The following CENPU variants were observed in gnomAD, a reference collection of about 807,000 sequenced individuals.
The protein encoded by CENPU is centromere protein U, also known as KSHV latent nuclear antigen interacting protein 1.
Under a neutral mutation model 56.7 loss-of-function variants are expected in CENPU, and 46 were observed. The observed-to-expected ratio is 0.81, with a 90% confidence interval of 0.64 to 1.04. The LOEUF is 1.04. CENPU is among the 50% of genes least tolerant of loss of function. The probability of loss-of-function intolerance (pLI) is 0.00; values close to 1 mark genes in which losing one functional copy is unlikely to be tolerated. For synonymous variants in CENPU, 166 were observed against 163.0 expected, an observed-to-expected ratio of 1.02 and a Z score of -0.14; for missense variants, 510 against 490.1, an observed-to-expected ratio of 1.04 and a Z score of -0.38.
intron 5 of CENPU, among the ~76,000 whole-genome samples, 170 bp downstream of exon 5, chr4:184,716,966 A>T (rs977577499): frequency 3.3e-5 from 5 of 152,236 alleles, no homozygotes; most frequent in Non-Finnish European, 1.5e-5. Context: ...TTTTTACTAT[A>T]AAAGTATATC....
At chr4:184,730,507 T>TAAAAAAAAAAAAAAAAAAAAAAAAA (rs374854623) in intron 2 of CENPU, among the ~76,000 whole-genome samples, 1 of 110,220 alleles carries the variant, frequency 9.1e-6, no homozygotes, top group African/African-American at 3.9e-5. Context: ...TCAAGAACGT[T>TAAAAAAAAAAAAAAAAAAAAAAAAA]AAAGAAATGC....
chr4:184,733,639 C>T (rs1761736080), intron 1 of CENPU, among the ~76,000 whole-genome samples: 1 of 152,236 alleles, frequency 6.6e-6, no homozygotes, highest in Admixed American at 6.5e-5. Context: ...AAAACTGATT[C>T]CCAGTCAGAG....
Position 184,694,378 on chromosome 4 carries a change from A to T in CENPU, c.*910T>A, listed in dbSNP as rs6825561. 215,629 of 1,412,736 alleles carry T rather than the reference A, an allele frequency of 0.15. 17,646 individuals are homozygous for T. Among genetic ancestry groups the T allele is most frequent in the African/African-American group, 0.27 (18,887 of 69,406 alleles). The allele number at this position is 1,412,736 out of a possible 1,614,324, so 87.5% of individuals were successfully genotyped here. On this transcript the variant is annotated 3_prime_UTR_variant, in exon 13 of 13. Coordinates refer to ENST00000281453, the MANE Select transcript of CENPU (RefSeq NM_024629.4). ...AGTGCACTCATTCCCACGGTGAGAT[A>T]TCGGAGACAGCATTCCTCCTGCATA...
intron 3 of CENPU, among the ~76,000 whole-genome samples, chr4:184,725,450 C>T (rs1031034415): frequency 6.8e-4 from 104 of 152,214 alleles, no homozygotes; most frequent in African/African-American, 2.5e-3. Flanking sequence ...GGACTACAGG[C>T]ACATGCCACC....
intron 8 of CENPU, among the ~76,000 whole-genome samples, chr4:184,705,296 G>A (rs1760687432): frequency 6.6e-6 from 1 of 152,176 alleles, no homozygotes; most frequent in Admixed American, 6.5e-5. Flanking sequence ...GCATTATGCT[G>A]AGTGGAAAAA....
chr4:184,728,010 T>C (rs1761517169), intron 3 of CENPU, among the ~76,000 whole-genome samples: 2 of 152,182 alleles, frequency 1.3e-5, no homozygotes, highest in Non-Finnish European at 2.9e-5. Flanking sequence ...TGACCACTCA[T>C]GGGTACAGGG....
At chr4:184,708,920 G>A (rs759197086) in intron 8 of CENPU, among the ~76,000 whole-genome samples, 3 of 151,980 alleles carry the variant, frequency 2.0e-5, no homozygotes, top group Non-Finnish European at 4.4e-5. Context: ...CAACAGAAGG[G>A]GAAATTCTAT....
intron 11 of CENPU, among the ~76,000 whole-genome samples, chr4:184,699,224 G>A (rs1209274107): frequency 6.6e-6 from 1 of 152,058 alleles, no homozygotes; most frequent in Non-Finnish European, 1.5e-5. Flanking sequence ...CAACTATTCG[G>A]GAGGATGAGG....
intron 4 of CENPU, among the ~76,000 whole-genome samples, chr4:184,724,033 G>T (rs1377598292): frequency 3.3e-5 from 5 of 151,976 alleles, no homozygotes; most frequent in Non-Finnish European, 5.9e-5. Context: ...GGGAGGCCGA[G>T]GTGGGCAGAT....
intron 1 of CENPU, among the ~76,000 whole-genome samples, chr4:184,732,225 ACAT>A (rs972332926): frequency 2.5e-4 from 37 of 150,660 alleles, no homozygotes; most frequent in Non-Finnish European, 1.8e-4. Context: ...GTGATGTAAA[ACAT>A]CATTACTGTG....
intron 12 of CENPU, among the ~76,000 whole-genome samples, chr4:184,696,390 C>T (rs891969235): frequency 2.0e-5 from 3 of 152,152 alleles, no homozygotes; most frequent in African/African-American, 7.2e-5. Context: ...ACAGGACGCT[C>T]ATCAGGTGGT....
At chr4:184,704,041 G>C (rs762987225) in intron 8 of CENPU, among the ~76,000 whole-genome samples, 4 of 151,906 alleles carry the variant, frequency 2.6e-5, no homozygotes, top group Non-Finnish European at 4.4e-5. Context: ...CATAATACTA[G>C]GTAATAAATT....
chr4:184,732,810 T>C (rs980420154), intron 1 of CENPU, among the ~76,000 whole-genome samples: 1 of 152,124 alleles, frequency 6.6e-6, no homozygotes, highest in Non-Finnish European at 1.5e-5. Flanking sequence ...AAGACCATCC[T>C]GGCCAACATG....
intron 3 of CENPU, among the ~76,000 whole-genome samples, chr4:184,726,973 G>GT (rs1265906756): frequency 2.4e-5 from 2 of 82,806 alleles, no homozygotes; most frequent in South Asian, 5.8e-4. Context: ...GTCCTGGGGG[G>GT]TGGGGGGGGG....
intron 11 of CENPU, chr4:184,699,597 C>G (rs6552802): frequency 0.15 from 199,036 of 1,286,014 alleles, 16,340 homozygotes; most frequent in African/African-American, 0.27. Context: ...AGCACCTGTC[C>G]AGAGACTCAA....
chr4:184,703,121 CAT>C (rs1251469893), intron 8 of CENPU, among the ~76,000 whole-genome samples: 2 of 152,152 alleles, frequency 1.3e-5, no homozygotes, highest in Non-Finnish European at 2.9e-5. Context: ...AAAGAACAAA[CAT>C]ATTATTCCCT....
chr4:184,727,295 G>A (rs1761489393), intron 3 of CENPU, among the ~76,000 whole-genome samples: 1 of 152,170 alleles, frequency 6.6e-6, no homozygotes, highest in African/African-American at 2.4e-5. Context: ...AGAATGGGAA[G>A]TTGTTTAATA....
rs1760538165 is a variant in CENPU at position 184,701,648 on chromosome 4, C to T, written c.924+441G>A. On this transcript the variant is annotated intron_variant, in intron 10 of 12. Transcript: ENST00000281453. ...GAACCAGGACTAGACATGAGGTCTCCTGACCCTTAACCCAGTATTCTTCCC... is the reference window on the plus strand; with the variant it reads ...GAACCAGGACTAGACATGAGGTCTCTTGACCCTTAACCCAGTATTCTTCCC... 2.0e-5 allele frequency among the ~76,000 whole-genome samples: 3 copies of T among 152,156 alleles called. No individual in the cohort carries two copies. In the South Asian group the frequency reaches 6.2e-4, roughly 32 times the overall value.
intron 8 of CENPU, among the ~76,000 whole-genome samples, chr4:184,706,938 GA>G (rs2150208336): frequency 6.9e-6 from 1 of 145,674 alleles, no homozygotes; most frequent in African/African-American, 2.8e-5. Flanking sequence ...TATAAGAAAT[GA>G]TTTAGAAGGG....
Sources: allele counts gnomAD v4.1 joint callset (sites outside exome capture counted in the v4.1 genomes callset), GRCh38; gene constraint gnomAD v4.1.1; transcripts MANE v1.5; gene names NCBI Gene and HGNC (gene_info 2026-07-23, HGNC 2026-07-21).